Variants in ARRB1 observed in about 807,000 individuals in gnomAD.
ARRB1 encodes the protein arrestin beta 1, also known as beta-arrestin-1.
Under a neutral mutation model 56.8 loss-of-function variants are expected in ARRB1, and 21 were observed. The observed-to-expected ratio is 0.37, with a 90% CI of 0.26 to 0.53. The LOEUF is 0.53. Ranked by LOEUF, ARRB1 falls within the 20% of genes least tolerant of loss-of-function variation. The pLI is 0.88. For synonymous variants in ARRB1, 210 were observed against 218.6 expected (o/e 0.96, Z 0.35); for missense variants, 424 against 553.7 (o/e 0.77, Z 2.35).
At chr11:75,272,761 G>T in intron 12 of ARRB1, 134 bp downstream of exon 12, 1 of 741,812 alleles carries the variant, frequency 1.3e-6, no homozygotes, top group Non-Finnish European at 2.2e-6. Context: ...AGGAAAAGAA[G>T]GGACAGGAGG....
chr11:75,348,722 A>G (rs1293774668), intron 1 of ARRB1, among the ~76,000 whole-genome samples: 2 of 151,960 alleles, frequency 1.3e-5, no homozygotes, highest in Non-Finnish European at 2.9e-5. Flanking sequence ...TTCAGCCTCC[A>G]GAGTAGTTAG....
At chr11:75,280,395 T>C (rs1009249456) in intron 7 of ARRB1, among the ~76,000 whole-genome samples, 5 of 152,228 alleles carry the variant, frequency 3.3e-5, no homozygotes, top group Middle Eastern at 3.2e-3. Flanking sequence ...CAACCTCCTC[T>C]GGGACCAGTG....
chr11:75,322,702 C>T (rs1227672268), intron 1 of ARRB1, among the ~76,000 whole-genome samples: 1 of 152,186 alleles, frequency 6.6e-6, no homozygotes, highest in Non-Finnish European at 1.5e-5. Flanking sequence ...AGATAATTGA[C>T]ACAATGCAGT....
chr11:75,327,547 C>A (rs932319954), intron 1 of ARRB1, among the ~76,000 whole-genome samples: 5 of 151,216 alleles, frequency 3.3e-5, no homozygotes, highest in African/African-American at 1.2e-4. Flanking sequence ...AGGAGGATCA[C>A]TTGAGCTCAG....
intron 15 of ARRB1, among the ~76,000 whole-genome samples, chr11:75,266,965 C>G (rs1251023961): frequency 6.6e-6 from 1 of 152,142 alleles, no homozygotes; most frequent in Non-Finnish European, 1.5e-5. Flanking sequence ...AGCGAGTTCC[C>G]TTCTACCATG....
intron 5 of ARRB1, 48 bp downstream of exon 5, chr11:75,283,239 T>G (rs1946389132): frequency 6.4e-7 from 1 of 1,551,796 alleles, no homozygotes; most frequent in Non-Finnish European, 8.7e-7. Flanking sequence ...GAGGGCTTCC[T>G]AGAGGTGGCA....
At chr11:75,287,453 C>A (rs946813692) in intron 2 of ARRB1, 78 bp from the exon 3 acceptor site, 2 of 1,443,684 alleles carry the variant, frequency 1.4e-6, no homozygotes, top group South Asian at 2.5e-5. Context: ...GGAAACCCTG[C>A]GGGCAGCCTC....
rs1048734719 is a variant in ARRB1 at position 75,264,181 on chromosome 11, G to C, written c.*1982C>G. ...TGGGGAGGGGTCCCTTGGGTTGAGT[G>C]GTCATGAGACTCAGAAGTCGCGCTG... is the stretch of plus-strand genomic sequence containing the variant. On this transcript the variant is annotated 3_prime_UTR_variant, in exon 16 of 16. Coordinates refer to ENST00000420843, the MANE Select transcript of ARRB1 (RefSeq NM_004041.5). 2 of 152,208 alleles carry C rather than the reference G, an allele frequency of 1.3e-5. No homozygotes were observed. Among genetic ancestry groups the C allele is most frequent in the South Asian group, 2.1e-4 (1 of 4,826 alleles). The allele number at this position is 152,208 out of a possible 1,614,324, so 9.4% of individuals were successfully genotyped here. A position where few individuals can be genotyped will look rare whatever the true frequency, so the allele number is the denominator to read the frequency against.
At chr11:75,304,903 GA>G (rs895743785) in intron 1 of ARRB1, among the ~76,000 whole-genome samples, 17 of 138,622 alleles carry the variant, frequency 1.2e-4, no homozygotes, top group East Asian at 8.3e-4. Context: ...AAAGAGAGAG[GA>G]AAAAAAAAAG....
intron 8 of ARRB1, 95 bp from the exon 9 acceptor site, chr11:75,277,543 T>A: frequency 1.8e-6 from 2 of 1,135,750 alleles, no homozygotes; most frequent in Non-Finnish European, 2.6e-6. Flanking sequence ...CTTCTGGGGT[T>A]CCCCAGACCT....
At chr11:75,283,853 A>T (rs1946412907) in intron 4 of ARRB1, among the ~76,000 whole-genome samples, 1 of 152,122 alleles carries the variant, frequency 6.6e-6, no homozygotes, top group Non-Finnish European at 1.5e-5. Flanking sequence ...TTGTGGGGGC[A>T]GGGCAAGTGC....
At position 75,327,317 on chromosome 11, in the gene ARRB1, A is replaced by AAAAT. The variant is rs1455924783; in HGVS notation, c.20+24270_20+24271insATTT. ...ACTCCATCTCAAAAAAAAAAAAAAAAAAAAAAGAATAATTGTATAAAATGT... is the reference window on the plus strand; with the variant it reads ...ACTCCATCTCAAAAAAAAAAAAAAAAAAATAAAAAAGAATAATTGTATAAAATGT... On this transcript the variant is annotated intron_variant, in intron 1 of 15. Transcript: ENST00000420843. Among the ~76,000 whole-genome samples the AAAAT allele has an allele frequency of 7.9e-5, 12 of 151,014 alleles. No homozygotes were observed. In the East Asian group the frequency reaches 2.4e-3, roughly 30 times the overall value.
At chr11:75,295,364 G>A (rs1462641415) in intron 1 of ARRB1, among the ~76,000 whole-genome samples, 2 of 152,006 alleles carry the variant, frequency 1.3e-5, no homozygotes, top group Non-Finnish European at 2.9e-5. Flanking sequence ...CTCAAGGGAT[G>A]AATCTGTTTC....
At chr11:75,342,882 A>C (rs540659546) in intron 1 of ARRB1, among the ~76,000 whole-genome samples, 1 of 152,306 alleles carries the variant, frequency 6.6e-6, no homozygotes, top group African/African-American at 2.4e-5. Flanking sequence ...GTCTTCAAGC[A>C]AGGTAAAGCT....
intron 1 of ARRB1, among the ~76,000 whole-genome samples, chr11:75,298,931 A>G (rs11236386): frequency 0.23 from 34,649 of 151,468 alleles, 4,413 homozygotes; most frequent in African/African-American, 0.33. Context: ...ACATAATGTT[A>G]ATTATGTTAA....
rs34831668 is a variant in ARRB1 at position 75,297,864 on chromosome 11, C to CAAAAA, written c.21-7830_21-7826dup. ...TGGGTAAGAGAGCAAGACTTTGTCTCAAAAAAAAAAAAAAAAAAAAAAAAA... is the reference window on the plus strand; with the variant it reads ...TGGGTAAGAGAGCAAGACTTTGTCTCAAAAAAAAAAAAAAAAAAAAAAAAAAAAAA... On this transcript the variant is annotated intron_variant, in intron 1 of 15. Transcript: ENST00000420843. Among the ~76,000 whole-genome samples the CAAAAA allele has an allele frequency of 5.4e-3, 159 of 29,250 alleles. 25 individuals carry two copies. The highest frequency in any genetic ancestry group is 0.018 in the African/African-American group (86 of 4,830). The allele number at this position is 29,250 out of a possible 152,430, so 19.2% of individuals were successfully genotyped here.
In ARRB1 at chr11:75,266,412, T is replaced by G. The variant is rs577860494; in HGVS notation, c.1146-138A>C. 2.6e-4 allele frequency: 180 copies of G among 684,486 alleles called. No homozygotes were observed. The African/African-American group carries it at 2.9e-3, about 11-fold the overall frequency. 42.4% of individuals were successfully genotyped at this position (684,486 alleles called of 1,614,324 possible). A position where few individuals can be genotyped will look rare whatever the true frequency, so the allele number is the denominator to read the frequency against. The stretch of plus-strand genomic sequence containing the variant: ...CACCCTCTCTGAGGTCTCTGGCCTC[T>G]GGGGCTGACCATGAGCAGAAAGGCC... On this transcript the variant is annotated intron_variant, in intron 15 of 15. Coordinates refer to ENST00000420843, the MANE Select transcript of ARRB1 (RefSeq NM_004041.5).
chr11:75,351,521 C>T (rs1194135431), intron 1 of ARRB1, 67 bp downstream of exon 1: 38 of 1,494,318 alleles, frequency 2.5e-5, no homozygotes, highest in Middle Eastern at 1.8e-4. Context: ...GCAATCGGAG[C>T]CCCCGCCCGT....
At chr11:75,336,712 C>T (rs1225172749) in intron 1 of ARRB1, among the ~76,000 whole-genome samples, 1 of 152,154 alleles carries the variant, frequency 6.6e-6, no homozygotes, top group Non-Finnish European at 1.5e-5. Flanking sequence ...ATCTACCAAA[C>T]ATAGTCACTG....
Sources: allele counts gnomAD v4.1 joint callset (sites outside exome capture counted in the v4.1 genomes callset), GRCh38; gene constraint gnomAD v4.1.1; transcripts MANE v1.5; gene names NCBI Gene and HGNC (gene_info 2026-07-23, HGNC 2026-07-21).